LPAR3: variants seen among roughly 807,000 people sequenced by gnomAD.
The protein encoded by LPAR3 is LPA receptor 3.
Under a neutral mutation model 17.8 loss-of-function variants are expected in LPAR3, and 7 were observed. That is an observed-to-expected ratio of 0.39 (90% confidence interval 0.22 to 0.74). The LOEUF (loss-of-function observed/expected upper bound fraction) is 0.74, where lower values mean the gene tolerates loss of function less well. Ranked by LOEUF, LPAR3 falls within the 30% of genes least tolerant of loss-of-function variation. The pLI, the probability that LPAR3 is intolerant of heterozygous loss-of-function variation, is 0.40. For synonymous variants in LPAR3, 179 were observed against 179.9 expected (o/e 0.99, Z 0.04); for missense variants, 391 against 453.4 (o/e 0.86, Z 1.25).
At chr1:84,827,625 G>A (rs1426128725) in intron 2 of LPAR3, among the ~76,000 whole-genome samples, 4 of 152,092 alleles carry the variant, frequency 2.6e-5, no homozygotes, top group South Asian at 2.1e-4. Flanking sequence ...AGCCATACCC[G>A]TGGTCCCTGT....
At chr1:84,889,075 G>A (rs1235292828) in intron 1 of LPAR3, among the ~76,000 whole-genome samples, 2 of 151,960 alleles carry the variant, frequency 1.3e-5, no homozygotes, top group Non-Finnish European at 2.9e-5. Context: ...CAAGGTTGTA[G>A]ATACACAGGA....
intron 2 of LPAR3, among the ~76,000 whole-genome samples, chr1:84,843,555 G>A (rs886887004): frequency 6.6e-6 from 1 of 152,248 alleles, no homozygotes; most frequent in African/African-American, 2.4e-5. Flanking sequence ...GTTTCAACAA[G>A]GACAGTCTTG....
chr1:84,817,155 T>C (rs1658949282), intron 2 of LPAR3, among the ~76,000 whole-genome samples: 1 of 152,170 alleles, frequency 6.6e-6, no homozygotes, highest in Non-Finnish European at 1.5e-5. Context: ...GCAGTCATAG[T>C]CTGAGCATTG....
chr1:84,874,829 C>G (rs1184968749), intron 1 of LPAR3, among the ~76,000 whole-genome samples: 1 of 151,736 alleles, frequency 6.6e-6, no homozygotes, highest in African/African-American at 2.4e-5. Flanking sequence ...TATTATACAG[C>G]AAATAAGCCT....
intron 1 of LPAR3, among the ~76,000 whole-genome samples, chr1:84,883,994 A>G (rs933659263): frequency 6.6e-6 from 1 of 152,216 alleles, no homozygotes; most frequent in Non-Finnish European, 1.5e-5. Flanking sequence ...GCTTTGTGCT[A>G]ATAACTCTTT....
chr1:84,882,504 A>G (rs183216809), intron 1 of LPAR3, among the ~76,000 whole-genome samples: 19 of 152,344 alleles, frequency 1.2e-4, no homozygotes, highest in Non-Finnish European at 2.2e-4. Flanking sequence ...TTCATCTGGA[A>G]CTACAAAGGA....
At chr1:84,867,661 G>A (rs1436543130) in intron 1 of LPAR3, among the ~76,000 whole-genome samples, 2 of 151,922 alleles carry the variant, frequency 1.3e-5, no homozygotes, top group Non-Finnish European at 2.9e-5. Context: ...AAAACTGGGA[G>A]TAGTCTCAAG....
intron 2 of LPAR3, 30 bp from the exon 3 acceptor site, chr1:84,814,201 G>A (rs758568128): frequency 5.1e-6 from 8 of 1,577,684 alleles, no homozygotes; most frequent in African/African-American, 1.3e-5. Context: ...GGCAACAGAT[G>A]CTCAGACCTT....
At chr1:84,889,850 C>T (rs974603816) in intron 1 of LPAR3, among the ~76,000 whole-genome samples, 2 of 152,172 alleles carry the variant, frequency 1.3e-5, no homozygotes, top group Non-Finnish European at 2.9e-5. Context: ...GGGTACAAAG[C>T]TCTTTCACGT....
At chr1:84,824,684 C>A (rs1659120061) in intron 2 of LPAR3, among the ~76,000 whole-genome samples, 1 of 152,174 alleles carries the variant, frequency 6.6e-6, no homozygotes, top group Admixed American at 6.5e-5. Flanking sequence ...AGAAAGCACT[C>A]AGAGAATATT....
At chr1:84,819,653 T>A (rs1659011542) in intron 2 of LPAR3, among the ~76,000 whole-genome samples, 1 of 152,182 alleles carries the variant, frequency 6.6e-6, no homozygotes, top group Non-Finnish European at 1.5e-5. Context: ...GAGATGAATA[T>A]CTTCAATTTG....
chr1:84,830,268 C>T (rs771884496), intron 2 of LPAR3, among the ~76,000 whole-genome samples: 4 of 152,146 alleles, frequency 2.6e-5, no homozygotes, highest in Non-Finnish European at 4.4e-5. Context: ...TATACTTCCT[C>T]TGTCCAAATA....
At chr1:84,829,430 T>C (rs887345901) in intron 2 of LPAR3, among the ~76,000 whole-genome samples, 10 of 152,032 alleles carry the variant, frequency 6.6e-5, no homozygotes, top group Non-Finnish European at 1.5e-4. Context: ...CTGGAGTTTA[T>C]ACAAACCCAG....
chr1:84,861,518 G>A (rs756879599), intron 2 of LPAR3, among the ~76,000 whole-genome samples: 34 of 152,178 alleles, frequency 2.2e-4, no homozygotes, highest in Non-Finnish European at 3.4e-4. Context: ...AGAACTTAAA[G>A]ATGGTCTATG....
At chr1:84,889,204 C>T (rs1273971136) in intron 1 of LPAR3, among the ~76,000 whole-genome samples, 2 of 152,112 alleles carry the variant, frequency 1.3e-5, no homozygotes, top group African/African-American at 4.8e-5. Context: ...TAAATCCCCT[C>T]CCCCACCCTC....
At chr1:84,858,311 A>G (rs946805244) in intron 2 of LPAR3, among the ~76,000 whole-genome samples, 1 of 151,948 alleles carries the variant, frequency 6.6e-6, no homozygotes, top group Non-Finnish European at 1.5e-5. Flanking sequence ...GCGAAACTCT[A>G]TCTCTACTAA....
rs1206774677 is a variant in LPAR3 at position 84,813,158 on chromosome 1, T to TATATATATATAGAGAGAGAGAGAG, written c.*687_*688insCTCTCTCTCTCTCTATATATATAT. ...ATATATATATATATATATATATATATAGACACACACACACACACACACACA... is the reference window on the plus strand; with the variant it reads ...ATATATATATATATATATATATATATATATATATATAGAGAGAGAGAGAGAGACACACACACACACACACACACA... On this transcript the variant is annotated 3_prime_UTR_variant, in exon 3 of 3. Transcript: ENST00000370611. 5 of 101,694 alleles carry TATATATATATAGAGAGAGAGAGAG rather than the reference T, an allele frequency of 4.9e-5. No individual in the cohort carries two copies. The highest frequency in any genetic ancestry group is 3.1e-4 in the South Asian group (1 of 3,266). 6.3% of individuals were successfully genotyped at this position (101,694 alleles called of 1,614,324 possible).
intron 1 of LPAR3, among the ~76,000 whole-genome samples, chr1:84,882,199 C>G (rs1190785318): frequency 1.3e-5 from 2 of 151,914 alleles, no homozygotes; most frequent in African/African-American, 4.8e-5. Flanking sequence ...TAACAACAAA[C>G]AATCCAAAAA....
At chr1:84,850,393 CAA>C (rs561506398) in intron 2 of LPAR3, among the ~76,000 whole-genome samples, 4 of 38,744 alleles carry the variant, frequency 1.0e-4, no homozygotes, top group South Asian at 1.0e-3. Context: ...TCTGTCTCTA[CAA>C]AAAAAAAAAA....
Sources: gnomAD v4.1 joint callset for allele counts (sites outside exome capture counted in the v4.1 genomes callset) on GRCh38, gnomAD v4.1.1 for gene constraint, MANE v1.5 for transcripts, NCBI Gene and HGNC (gene_info 2026-07-23, HGNC 2026-07-21) for gene names.